Variants in TUSC3 observed in about 807,000 individuals in gnomAD.
TUSC3 encodes tumor suppressor candidate 3.
Under a neutral mutation model 44.8 loss-of-function variants are expected in TUSC3, and 45 were observed. The ratio of observed to expected loss-of-function variants is 1.00; its 90% CI spans 0.79 to 1.29. The LOEUF is 1.29. Ranked by LOEUF, TUSC3 falls within the 50% of genes most tolerant of loss-of-function variation. The pLI, the probability that TUSC3 is intolerant of heterozygous loss-of-function variation, is 0.00. For missense variants in TUSC3, 519 were observed against 437.9 expected (o/e 1.19, Z -1.65); for synonymous variants, 212 against 152.9 (o/e 1.39, Z -2.85).
intron 1 of TUSC3, among the ~76,000 whole-genome samples, chr8:15,571,448 C>T (rs1001369563): frequency 6.6e-6 from 1 of 152,078 alleles, no homozygotes; most frequent in Non-Finnish European, 1.5e-5. Flanking sequence ...TGCAATAGCA[C>T]TCTGTCTAAA....
At chr8:15,820,349 G>C in the TUSC3 span, among the ~76,000 whole-genome samples, 1 of 116,058 alleles carries the variant, frequency 8.6e-6, no homozygotes, top group Non-Finnish European at 1.7e-5. Context: ...TTCTTGCTCT[G>C]TCGCCAAGCT....
chr8:15,528,979 C>A (rs1319552982), intron 2 of TUSC3, among the ~76,000 whole-genome samples: 1 of 152,180 alleles, frequency 6.6e-6, no homozygotes, highest in Non-Finnish European at 1.5e-5. Flanking sequence ...CAGTTAATAA[C>A]CAATGAACAG....
intron 2 of TUSC3, among the ~76,000 whole-genome samples, chr8:15,641,558 C>T (rs768430101): frequency 2.0e-5 from 3 of 151,990 alleles, no homozygotes; most frequent in Non-Finnish European, 4.4e-5. Context: ...GGTGGGTACC[C>T]CAAGGTTTGC....
the TUSC3 span, among the ~76,000 whole-genome samples, chr8:15,788,922 C>T: frequency 6.6e-6 from 1 of 152,148 alleles, no homozygotes; most frequent in Non-Finnish European, 1.5e-5. Context: ...AGATGAGTCT[C>T]ATTGGCAGGT....
chr8:15,691,384 T>C (rs75637887), intron 6 of TUSC3, among the ~76,000 whole-genome samples: 1,523 of 152,296 alleles, frequency 0.01, 24 homozygotes, highest in African/African-American at 0.036. Flanking sequence ...GCTGAAGTTG[T>C]TTAGCAGATC....
chr8:15,477,662 C>T (rs1585059176), intron 1 of TUSC3, among the ~76,000 whole-genome samples: 1 of 152,026 alleles, frequency 6.6e-6, no homozygotes, highest in Non-Finnish European at 1.5e-5. Context: ...GCAGAGCTTT[C>T]AGTGAGCCAA....
intron 1 of TUSC3, among the ~76,000 whole-genome samples, chr8:15,434,866 C>T (rs970053136): frequency 1.3e-5 from 2 of 151,994 alleles, no homozygotes; most frequent in African/African-American, 4.8e-5. Flanking sequence ...GACATGAACT[C>T]ATCATTTTTT....
chr8:15,814,423 A>G, the TUSC3 span, among the ~76,000 whole-genome samples: 4 of 152,326 alleles, frequency 2.6e-5, no homozygotes, highest in East Asian at 3.9e-4. Context: ...GCAGTTTTCA[A>G]TCTACTAAGA....
the TUSC3 span, among the ~76,000 whole-genome samples, chr8:15,828,176 G>A: frequency 6.6e-6 from 1 of 152,138 alleles, no homozygotes; most frequent in East Asian, 1.9e-4. Flanking sequence ...TGTATTTTTA[G>A]TAGATACTGG....
At chr8:15,694,488 T>G (rs888902841) in intron 6 of TUSC3, among the ~76,000 whole-genome samples, 1 of 149,490 alleles carries the variant, frequency 6.7e-6, no homozygotes, top group African/African-American at 2.5e-5. Context: ...TGTGGCCATT[T>G]GGAGGTAAGA....
chr8:15,788,720 G>C, the TUSC3 span, among the ~76,000 whole-genome samples: 379 of 152,238 alleles, frequency 2.5e-3, 1 homozygote, highest in African/African-American at 8.7e-3. Flanking sequence ...CAGTCTCTTA[G>C]TTCAAACAGA....
chr8:15,678,019 A>T (rs1808263703), intron 6 of TUSC3, among the ~76,000 whole-genome samples: 1 of 151,924 alleles, frequency 6.6e-6, no homozygotes, highest in Non-Finnish European at 1.5e-5. Context: ...AGAGAGGGAA[A>T]CTGAGTCTAG....
At chr8:15,740,557 A>G (rs1225449622) in intron 7 of TUSC3, among the ~76,000 whole-genome samples, 1 of 151,938 alleles carries the variant, frequency 6.6e-6, no homozygotes, top group African/African-American at 2.4e-5. Flanking sequence ...GATTAAACCC[A>G]AAAAAGAGGA....
chr8:15,735,870 G>T (rs1261578368), intron 7 of TUSC3, among the ~76,000 whole-genome samples: 3 of 40,206 alleles, frequency 7.5e-5, no homozygotes, highest in Admixed American at 6.6e-4. Context: ...CGGCTAATGG[G>T]TTTTTTTTTT....
intron 6 of TUSC3, among the ~76,000 whole-genome samples, chr8:15,696,965 T>C (rs1809197013): frequency 6.6e-6 from 1 of 152,156 alleles, no homozygotes; most frequent in African/African-American, 2.4e-5. Context: ...CATTTCATTC[T>C]TGCTCCTTGT....
At chr8:15,846,322 G>T in the TUSC3 span, among the ~76,000 whole-genome samples, 1 of 152,160 alleles carries the variant, frequency 6.6e-6, no homozygotes, top group East Asian at 1.9e-4. Context: ...ACTTAAGAAT[G>T]GTAAACACCA....
chr8:15,610,322 G>A (rs1379022093), intron 1 of TUSC3, among the ~76,000 whole-genome samples: 4 of 152,090 alleles, frequency 2.6e-5, no homozygotes, highest in Admixed American at 6.6e-5. Flanking sequence ...TTAAGGTATA[G>A]CAACATCTAA....
rs181315056 is a variant in TUSC3, at chr8:15,569,529, A to G, written c.138+28961A>G. ...TGGGCAAAGATAATAGCTTATGGCC[A>G]GAAGGAGCCAGGTATTTAGAAGGAG... On this transcript the variant is annotated intron_variant, in intron 1 of 10. Transcript: ENST00000503731. Among the ~76,000 whole-genome samples the G allele has an allele frequency of 2.0e-4, 31 of 152,296 alleles. 1 individual carries two copies. The highest frequency in any genetic ancestry group is 1.8e-3 in the Admixed American group (28 of 15,296).
intron 2 of TUSC3, among the ~76,000 whole-genome samples, chr8:15,504,040 A>G (rs779349867): frequency 4.0e-5 from 6 of 151,126 alleles, no homozygotes; most frequent in African/African-American, 1.5e-4. Flanking sequence ...AAAATTCTGT[A>G]GAAAAGAACA....
Sources: gnomAD v4.1 joint callset for allele counts (sites outside exome capture counted in the v4.1 genomes callset) on GRCh38, gnomAD v4.1.1 for gene constraint, MANE v1.5 for transcripts, NCBI Gene and HGNC (gene_info 2026-07-23, HGNC 2026-07-21) for gene names.